The following FAM13B variants were observed in gnomAD, a reference collection of about 807,000 sequenced individuals.
The protein encoded by FAM13B is protein FAM13B.
In FAM13B, 60 loss-of-function variants were observed where a neutral mutation model predicts 117.3. The ratio of observed to expected loss-of-function variants is 0.51; its 90% CI spans 0.42 to 0.63. The LOEUF (loss-of-function observed/expected upper bound fraction) is 0.63. FAM13B is among the 30% of genes least tolerant of loss of function. The pLI is 0.00. For missense variants in FAM13B, 972 were observed against 1,091.9 expected (o/e 0.89, Z 1.55); for synonymous variants, 332 against 356.1 (o/e 0.93, Z 0.76).
chr5:137,953,405 C>T lies in FAM13B; in HGVS notation c.1779G>A (p.Gln593=). ...TTTTCTTCTGAAGTTTCTTGACCAGCTGATAAGGTGTTCTGTCCTCTCTCT... is the reference window on the plus strand; with the variant it reads ...TTTTCTTCTGAAGTTTCTTGACCAGTTGATAAGGTGTTCTGTCCTCTCTCT... ...DEKREDRTPY[Q]LVKKLQKKIR... is the part of the protein sequence containing the mutation. Residue 593 remains glutamine, a synonymous_variant, in exon 16 of 24, where the codon CAG becomes CAA. Coordinates refer to ENST00000689681, the MANE Select transcript of FAM13B (RefSeq NM_001385994.1). The T allele has an allele frequency of 6.2e-7, 1 of 1,613,806 alleles. No homozygotes were observed. Among genetic ancestry groups the T allele is most frequent in the Admixed American group, 1.7e-5 (1 of 60,018 alleles).
intron 1 of FAM13B, among the ~76,000 whole-genome samples, chr5:138,025,980 T>C (rs1457088886): frequency 6.6e-6 from 1 of 152,178 alleles, no homozygotes; most frequent in Non-Finnish European, 1.5e-5. Context: ...ACTTTAACTA[T>C]CTACTAAAAT....
At chr5:137,965,315 T>G (rs1406729325) in intron 10 of FAM13B, among the ~76,000 whole-genome samples, 1 of 152,150 alleles carries the variant, frequency 6.6e-6, no homozygotes, top group African/African-American at 2.4e-5. Flanking sequence ...TCAGGTAAGT[T>G]AGAGAGCTTT....
At chr5:138,010,504 T>C (rs1253425903) in intron 6 of FAM13B, among the ~76,000 whole-genome samples, 1 of 152,248 alleles carries the variant, frequency 6.6e-6, no homozygotes, top group African/African-American at 2.4e-5. Flanking sequence ...TTTAATATTC[T>C]AGAGTCACCA....
At position 137,962,489 on chromosome 5, in the gene FAM13B, C is replaced by T; in HGVS notation, c.1180-20G>A. The T allele has an allele frequency of 6.2e-7, 1 of 1,607,730 alleles. No individual in the cohort carries two copies. The highest frequency in any genetic ancestry group is 1.3e-5 in the African/African-American group (1 of 74,778). ...TACAGACTGACAAAAAGAACACTAC[C>T]ATGTATTAATGGAGCTCCCAATACT... On this transcript the variant is annotated intron_variant, in intron 10 of 23. Transcript: ENST00000689681.
At chr5:138,039,402 GC>G (rs1791400956) in intron 1 of FAM13B, 1 of 152,010 alleles carries the variant, frequency 6.6e-6, no homozygotes, top group African/African-American at 2.4e-5. Flanking sequence ...TTCCTTACAG[GC>G]TCTAGGCTTT....
At chr5:137,964,694 C>A (rs1218934766) in intron 10 of FAM13B, among the ~76,000 whole-genome samples, 3 of 152,138 alleles carry the variant, frequency 2.0e-5, no homozygotes, top group Non-Finnish European at 2.9e-5. Context: ...GCACTCCAGT[C>A]TGGGTGACAG....
chr5:138,033,583 T>A (rs1287091141), upstream of FAM13B, among the ~76,000 whole-genome samples: 1 of 151,690 alleles, frequency 6.6e-6, no homozygotes, highest in African/African-American at 2.4e-5. Flanking sequence ...TGACCTAGAC[T>A]CCAGAGAGAA....
At chr5:137,959,340 C>T (rs1443546765) in intron 13 of FAM13B, among the ~76,000 whole-genome samples, 6 of 152,102 alleles carry the variant, frequency 3.9e-5, no homozygotes, top group Non-Finnish European at 7.4e-5. Context: ...TTAACAAAAA[C>T]GTATGCTGGG....
chr5:138,024,834 GAA>G (rs1224659814), intron 1 of FAM13B, among the ~76,000 whole-genome samples: 4 of 135,120 alleles, frequency 3.0e-5, no homozygotes, highest in South Asian at 4.7e-4. Context: ...GAGAGAGAGA[GAA>G]AGAGAGAGAG....
chr5:137,955,014 T>C (rs1304818991), intron 14 of FAM13B, among the ~76,000 whole-genome samples: 1 of 152,222 alleles, frequency 6.6e-6, no homozygotes, highest in Admixed American at 6.5e-5. Context: ...AATTTAATTC[T>C]AAAGATGTTA....
intron 7 of FAM13B, among the ~76,000 whole-genome samples, chr5:137,993,403 G>A (rs565877021): frequency 6.6e-6 from 1 of 152,226 alleles, no homozygotes; most frequent in East Asian, 1.9e-4. Flanking sequence ...CAGGGCAGAG[G>A]ATAACTTGAG....
intron 5 of FAM13B, 54 bp downstream of exon 5, chr5:138,011,714 G>A (rs12187885): frequency 0.78 from 1,065,936 of 1,359,026 alleles, 420,784 homozygotes; most frequent in East Asian, 0.97. Context: ...CACCGTGCCC[G>A]GCCTCACATA....
At chr5:138,048,935 C>A (rs924489285) in intron 1 of FAM13B, among the ~76,000 whole-genome samples, 3 of 135,862 alleles carry the variant, frequency 2.2e-5, no homozygotes, top group South Asian at 5.1e-4. Flanking sequence ...TAGAGTGATA[C>A]ATTTCTTTTT....
intron 10 of FAM13B, among the ~76,000 whole-genome samples, chr5:137,967,309 A>G (rs1770318353): frequency 6.6e-6 from 1 of 152,092 alleles, no homozygotes; most frequent in African/African-American, 2.4e-5. Context: ...GTGGATCACA[A>G]GGTCAGGAGT....
intron 10 of FAM13B, among the ~76,000 whole-genome samples, chr5:137,968,303 T>C (rs977218165): frequency 2.7e-5 from 4 of 150,918 alleles, no homozygotes; most frequent in Admixed American, 2.6e-4. Flanking sequence ...TAGCTAGGTG[T>C]GGTGGCACAC....
At chr5:138,018,890 G>T in intron 3 of FAM13B, 65 bp downstream of exon 3, 3 of 1,332,232 alleles carry the variant, frequency 2.3e-6, no homozygotes, top group South Asian at 1.5e-5. Context: ...AAAATCCAAG[G>T]TCAAAAAGGT....
At chr5:137,948,920 G>C in intron 18 of FAM13B, 35 bp downstream of exon 18, 1 of 1,531,114 alleles carries the variant, frequency 6.5e-7, no homozygotes, top group South Asian at 1.1e-5. Flanking sequence ...GAATTCTAAA[G>C]GCTAATCTGG....
intron 1 of FAM13B, among the ~76,000 whole-genome samples, chr5:138,031,232 T>TAA (rs34590720): frequency 6.6e-6 from 1 of 151,924 alleles, no homozygotes. Context: ...GACATTCTAA[T>TAA]AAAAAAAACT....
chr5:138,025,318 T>TG (rs1364368207), intron 1 of FAM13B, among the ~76,000 whole-genome samples: 2 of 127,166 alleles, frequency 1.6e-5, no homozygotes, highest in East Asian at 5.1e-4. Flanking sequence ...TATGTATTTT[T>TG]TTTTTTTTTT....
Sources: allele counts gnomAD v4.1 joint callset (sites outside exome capture counted in the v4.1 genomes callset), GRCh38; gene constraint gnomAD v4.1.1; transcripts MANE v1.5; gene names NCBI Gene and HGNC (gene_info 2026-07-23, HGNC 2026-07-21).